VEPH1: variants seen among roughly 807,000 people sequenced by gnomAD.
VEPH1 encodes the protein ventricular zone expressed PH domain containing 1.
A neutral mutation model predicts 85.2 loss-of-function variants in VEPH1; 80 were observed. That is an observed-to-expected ratio of 0.94 (90% confidence interval 0.78 to 1.13). The LOEUF is 1.13. Among genes scored for constraint, VEPH1 ranks in the 50% most tolerant of loss-of-function variants. The pLI is 0.00. For synonymous variants in VEPH1, 297 were observed against 348.0 expected (o/e 0.85, Z 1.63); for missense variants, 955 against 980.5 (o/e 0.97, Z 0.35).
intron 3 of VEPH1, among the ~76,000 whole-genome samples, chr3:157,469,113 C>A (rs1736676250): frequency 6.6e-6 from 1 of 152,106 alleles, no homozygotes. Flanking sequence ...CAATGAAGAG[C>A]AAATGCACTG....
intron 9 of VEPH1, among the ~76,000 whole-genome samples, chr3:157,356,192 G>A (rs1386949259): frequency 2.0e-5 from 3 of 151,602 alleles, no homozygotes; most frequent in South Asian, 2.1e-4. Context: ...CCACCACACC[G>A]GGCCAACTGA....
At chr3:157,374,606 A>T (rs1243737256) in intron 7 of VEPH1, among the ~76,000 whole-genome samples, 1 of 152,188 alleles carries the variant, frequency 6.6e-6, no homozygotes, top group African/African-American at 2.4e-5. Context: ...AAGGACACCT[A>T]ATACTCCAGG....
intron 6 of VEPH1, among the ~76,000 whole-genome samples, chr3:157,401,165 G>C (rs1730762727): frequency 1.3e-5 from 2 of 152,124 alleles, no homozygotes; most frequent in African/African-American, 4.8e-5. Context: ...GAGTGAAAGA[G>C]AAAAGTAACC....
chr3:157,281,514 C>T (rs1435172826), intron 12 of VEPH1, among the ~76,000 whole-genome samples: 1 of 151,966 alleles, frequency 6.6e-6, no homozygotes, highest in Non-Finnish European at 1.5e-5. Flanking sequence ...CAATGCTAGC[C>T]ACCACATACA....
intron 7 of VEPH1, among the ~76,000 whole-genome samples, chr3:157,379,705 CA>C (rs1435454270): frequency 6.6e-6 from 1 of 152,114 alleles, no homozygotes; most frequent in Non-Finnish European, 1.5e-5. Flanking sequence ...TTTGTTATTC[CA>C]AAAAACCCAC....
At position 157,260,911 on chromosome 3, in the gene VEPH1, T is replaced by C; in HGVS notation, c.*223A>G. On this transcript the variant is annotated 3_prime_UTR_variant, in exon 14 of 14. Coordinates refer to ENST00000362010, the MANE Select transcript of VEPH1 (RefSeq NM_001167912.2). ...TGTAGCTCCTTTTATTTTATTTTAT[T>C]TTTGTGGGCATCAGATATATTCTGA... 1.8e-6 allele frequency: 1 copy of C among 558,948 alleles called. No homozygotes were observed. Among genetic ancestry groups the C allele is most frequent in the Non-Finnish European group, 3.1e-6 (1 of 327,080 alleles). The allele number at this position is 558,948 out of a possible 1,614,324, so 34.6% of individuals were successfully genotyped here.
chr3:157,454,390 G>T (rs1184567437), intron 4 of VEPH1, among the ~76,000 whole-genome samples: 1 of 152,100 alleles, frequency 6.6e-6, no homozygotes, highest in Non-Finnish European at 1.5e-5. Flanking sequence ...AGACCACTGG[G>T]GTGGCTGGTC....
intron 9 of VEPH1, among the ~76,000 whole-genome samples, chr3:157,346,845 G>A (rs920169248): frequency 1.3e-4 from 20 of 152,084 alleles, no homozygotes; most frequent in South Asian, 6.2e-4. Context: ...AGAGCTCCTG[G>A]GCTCAAGCTA....
chr3:157,390,689 G>A (rs964786513), intron 6 of VEPH1, among the ~76,000 whole-genome samples: 1 of 152,306 alleles, frequency 6.6e-6, no homozygotes, highest in African/African-American at 2.4e-5. Flanking sequence ...TCCTGGAGAG[G>A]AAAATGCTGG....
At chr3:157,486,343 A>C (rs1382741497) in intron 2 of VEPH1, among the ~76,000 whole-genome samples, 1 of 152,058 alleles carries the variant, frequency 6.6e-6, no homozygotes, top group East Asian at 1.9e-4. Flanking sequence ...TGAAAATACA[A>C]AAATTAGTCA....
intron 9 of VEPH1, among the ~76,000 whole-genome samples, chr3:157,357,210 T>G (rs1725541915): frequency 6.6e-6 from 1 of 152,174 alleles, no homozygotes. Flanking sequence ...TTGCCTCTAT[T>G]TGTTAGCAAG....
At chr3:157,351,585 G>C (rs1724878219) in intron 9 of VEPH1, among the ~76,000 whole-genome samples, 1 of 152,188 alleles carries the variant, frequency 6.6e-6, no homozygotes, top group African/African-American at 2.4e-5. Flanking sequence ...GTGTCTACTG[G>C]AAATTCTTAT....
At chr3:157,415,038 C>G (rs1482939670) in intron 5 of VEPH1, 1 of 152,266 alleles carries the variant, frequency 6.6e-6, no homozygotes, top group Non-Finnish European at 1.5e-5. Flanking sequence ...GCTTCTCCCA[C>G]CACCCCTTCT....
chr3:157,424,281 T>C (rs1308492584), intron 5 of VEPH1, among the ~76,000 whole-genome samples: 4 of 152,184 alleles, frequency 2.6e-5, no homozygotes, highest in South Asian at 2.1e-4. Context: ...GAGGCCTCCC[T>C]AGCCATGTGG....
At chr3:157,383,890 GT>G (rs201021061) in intron 6 of VEPH1, among the ~76,000 whole-genome samples, 3 of 149,792 alleles carry the variant, frequency 2.0e-5, no homozygotes, top group East Asian at 2.0e-4. Context: ...AACAGTTTTT[GT>G]TTTTTTTTGC....
chr3:157,495,049 A>G (rs1200724189), intron 2 of VEPH1, among the ~76,000 whole-genome samples, 163 bp downstream of exon 2: 1 of 152,174 alleles, frequency 6.6e-6, no homozygotes, highest in African/African-American at 2.4e-5. Context: ...TTCCCTACTG[A>G]TATTTCTTAG....
chr3:157,281,882 C>T (rs1716176424), intron 12 of VEPH1, among the ~76,000 whole-genome samples: 1 of 152,136 alleles, frequency 6.6e-6, no homozygotes, highest in Non-Finnish European at 1.5e-5. Context: ...TGAAAGTTGA[C>T]ATTGAAATTT....
intron 12 of VEPH1, among the ~76,000 whole-genome samples, chr3:157,272,785 C>T (rs1714883459): frequency 6.6e-6 from 1 of 152,068 alleles, no homozygotes; most frequent in Admixed American, 6.6e-5. Context: ...TCTGCTAAAA[C>T]TTTTGCTAGC....
intron 2 of VEPH1, among the ~76,000 whole-genome samples, chr3:157,492,371 C>G (rs973432254): frequency 6.6e-5 from 10 of 152,092 alleles, no homozygotes; most frequent in South Asian, 2.1e-4. Context: ...ATTTCCAAGT[C>G]TTGTATTTGG....
Sources: allele counts gnomAD v4.1 joint callset (sites outside exome capture counted in the v4.1 genomes callset), GRCh38; gene constraint gnomAD v4.1.1; transcripts MANE v1.5; gene names NCBI Gene and HGNC (gene_info 2026-07-23, HGNC 2026-07-21).